TBCD: variants seen among roughly 807,000 people sequenced by gnomAD.
The protein encoded by TBCD is tubulin folding cofactor D, also known as tubulin-specific chaperone D.
Under a neutral mutation model 169.3 loss-of-function variants are expected in TBCD, and 105 were observed. The ratio of observed to expected loss-of-function variants is 0.62; its 90% CI spans 0.53 to 0.73. The LOEUF (loss-of-function observed/expected upper bound fraction) is 0.73, where lower values mean the gene tolerates loss of function less well. TBCD is among the 30% of genes least tolerant of loss of function. TBCD has a pLI of 0.00. For synonymous variants in TBCD, 700 were observed against 643.9 expected (o/e 1.09, Z -1.32); for missense variants, 1,444 against 1,600.1 (o/e 0.90, Z 1.66).
At chr17:82,828,987 C>T (rs970937712) in intron 13 of TBCD, among the ~76,000 whole-genome samples, 7 of 122,610 alleles carry the variant, frequency 5.7e-5, no homozygotes, top group Non-Finnish European at 1.0e-4. Context: ...TCCCATATAC[C>T]CACCCCCACA....
chr17:82,940,977 A>G (rs1161387732), intron 37 of TBCD, among the ~76,000 whole-genome samples: 2 of 152,036 alleles, frequency 1.3e-5, no homozygotes, highest in African/African-American at 4.8e-5. Flanking sequence ...AAATCCTTAG[A>G]ATTTAAAGAG....
In TBCD at chr17:82,847,319, T is replaced by C. The variant is rs12948386; in HGVS notation, c.1319-22905T>C. Among the ~76,000 whole-genome samples, 145 of 143,140 alleles carry C rather than the reference T, an allele frequency of 1.0e-3. 1 individual carries two copies. The highest frequency in any genetic ancestry group is 3.5e-3 in the African/African-American group (134 of 38,018). 93.9% of individuals were successfully genotyped at this position (143,140 alleles called of 152,430 possible). A position where few individuals can be genotyped will look rare whatever the true frequency, so the allele number is the denominator to read the frequency against. The stretch of plus-strand genomic sequence containing the variant: ...AGTGAGCCGAGATCATGCCACTGTA[T>C]TCCAGCCTGGGCAACAGAGCGAGAC... On this transcript the variant is annotated intron_variant, in intron 13 of 38. Coordinates refer to ENST00000355528, the MANE Select transcript of TBCD (RefSeq NM_005993.5).
chr17:82,829,180 C>A (rs1174923840), intron 13 of TBCD, among the ~76,000 whole-genome samples: 1 of 151,742 alleles, frequency 6.6e-6, no homozygotes, highest in African/African-American at 2.4e-5. Flanking sequence ...CAAGCGCATA[C>A]CCACACCCGC....
At position 82,910,375 on chromosome 17, in the gene TBCD, A is replaced by G. The variant is rs112061856; in HGVS notation, c.2006+1068A>G. 6.6e-4 allele frequency among the ~76,000 whole-genome samples: 100 copies of G among 152,308 alleles called. 1 individual carries two copies. In the Middle Eastern group the frequency reaches 0.01, roughly 16 times the overall value. On this transcript the variant is annotated intron_variant, in intron 22 of 38. Coordinates refer to ENST00000355528, the MANE Select transcript of TBCD (RefSeq NM_005993.5). ...GTGCTGAGCCTCTTTCCCTGTGCTG[A>G]CGAAGCATTCCTGGGTCTTTCGTGA...
intron 6 of TBCD, among the ~76,000 whole-genome samples, chr17:82,776,435 T>A (rs562944365): frequency 6.6e-6 from 1 of 152,144 alleles, no homozygotes. Context: ...TCTTGAAACA[T>A]AGAAGTTGGA....
intron 14 of TBCD, among the ~76,000 whole-genome samples, chr17:82,877,855 G>A (rs1369790719): frequency 1.3e-5 from 2 of 152,114 alleles, no homozygotes; most frequent in Non-Finnish European, 2.9e-5. Context: ...AGTATAGAGA[G>A]GAAAATGGAG....
At chr17:82,917,019 C>CTTTTTTTTTTTTTTTTTTTTTTTTTTTT (rs59331670) in intron 23 of TBCD, among the ~76,000 whole-genome samples, 1 of 108,518 alleles carries the variant, frequency 9.2e-6, no homozygotes, top group Non-Finnish European at 1.8e-5. Context: ...TTTTTCTTTT[C>CTTTTTTTTTTTTTTTTTTTTTTTTTTTT]TTTTCTTTTT....
At chr17:82,899,260 C>T (rs900304552) in intron 17 of TBCD, among the ~76,000 whole-genome samples, 5 of 145,776 alleles carry the variant, frequency 3.4e-5, no homozygotes, top group South Asian at 4.3e-4. Context: ...GTGTCCTCAG[C>T]GTGCGTGTCC....
Position 82,925,017 on chromosome 17 carries a change from G to A in TBCD, c.2339G>A (p.Gly780Asp). The A allele has an allele frequency of 6.4e-7, 1 of 1,570,060 alleles. No homozygotes were observed. Among genetic ancestry groups the A allele is most frequent in the Non-Finnish European group, 8.6e-7 (1 of 1,156,588 alleles). The change falls in exon 27 of 39, where the codon GGC becomes GAC. Residue 780 changes from glycine (G) to aspartate (D), a missense_variant. By Grantham distance (94) the Gly-to-Asp change is moderately conservative (BLOSUM62 -1). Coordinates refer to ENST00000355528, the MANE Select transcript of TBCD (RefSeq NM_005993.5). ...CGCTGTGGCTTCTCGTTGGCCTTGG[G>A]CGCCCTTCCAGGCTTCCTTCTGAAA... ...MTRCGFSLAL[G>D]ALPGFLLKGR...
intron 6 of TBCD, among the ~76,000 whole-genome samples, chr17:82,774,307 C>T (rs948146318): frequency 6.6e-6 from 1 of 152,142 alleles, no homozygotes; most frequent in Admixed American, 6.5e-5. Context: ...CTTGCACCGC[C>T]CTTAATCCAT....
At chr17:82,818,403 G>A (rs1336046031) in intron 13 of TBCD, among the ~76,000 whole-genome samples, 1 of 152,186 alleles carries the variant, frequency 6.6e-6, no homozygotes, top group Non-Finnish European at 1.5e-5. Flanking sequence ...ATGAGCATTT[G>A]CAGCATGCTT....
At chr17:82,872,831 C>G (rs1197678910) in intron 14 of TBCD, among the ~76,000 whole-genome samples, 2 of 152,180 alleles carry the variant, frequency 1.3e-5, no homozygotes, top group African/African-American at 2.4e-5. Flanking sequence ...GACGGCTTCC[C>G]AGCCAGGCCC....
At chr17:82,941,604 A>C in intron 38 of TBCD, 121 bp downstream of exon 38, 1 of 845,868 alleles carries the variant, frequency 1.2e-6, no homozygotes, top group Non-Finnish European at 1.8e-6. Context: ...CCCTCGTCTC[A>C]TGTCAGGACC....
rs369652299 is a variant in TBCD at position 82,938,032 on chromosome 17, T to C, written c.3282-17T>C. The C allele has an allele frequency of 2.3e-4, 374 of 1,612,562 alleles. No homozygotes were observed. Among genetic ancestry groups the C allele is most frequent in the Non-Finnish European group, 3.1e-4 (362 of 1,179,618 alleles). On this transcript the variant is annotated splice_polypyrimidine_tract_variant and intron_variant, in intron 35 of 38. Coordinates refer to ENST00000355528, the MANE Select transcript of TBCD (RefSeq NM_005993.5). The stretch of plus-strand genomic sequence containing the variant: ...GCGGGGTGGGGCTCACCTGGAGCCA[T>C]GTGCTGCTCCCGGCAGGTTCTGCGA...
Position 82,763,967 on chromosome 17 carries a change from T to C in TBCD, c.238T>C (p.Trp80Arg). 6.2e-7 allele frequency: 1 copy of C among 1,613,420 alleles called. No individual in the cohort carries two copies. Among genetic ancestry groups the C allele is most frequent in the Non-Finnish European group, 8.5e-7 (1 of 1,179,440 alleles). The change falls in exon 3 of 39, where the codon TGG (tryptophan) becomes CGG (arginine). Residue 80 changes from tryptophan to arginine, a missense_variant and splice_region_variant. By Grantham distance (101) the Trp-to-Arg change is moderately radical. Coordinates refer to ENST00000355528, the MANE Select transcript of TBCD (RefSeq NM_005993.5). The part of the protein sequence containing the change: ...QPHLLDPHLE[W>R]MMNLLLDIVQ... ...ATGTTTCCTATGTTTTTCCCTAGAATGGATGATGAACTTGTTGTTGGACAT... is the reference window on the plus strand; with the variant it reads ...ATGTTTCCTATGTTTTTCCCTAGAACGGATGATGAACTTGTTGTTGGACAT...
At chr17:82,836,677 T>TA (rs1416222597) in intron 13 of TBCD, among the ~76,000 whole-genome samples, 1 of 149,398 alleles carries the variant, frequency 6.7e-6, no homozygotes, top group Non-Finnish European at 1.5e-5. Flanking sequence ...ACATTGCTGA[T>TA]ACTTTTAGGC....
chr17:82,867,333 A>G (rs897416253), intron 13 of TBCD, among the ~76,000 whole-genome samples: 1 of 152,180 alleles, frequency 6.6e-6, no homozygotes, highest in African/African-American at 2.4e-5. Context: ...TGTCCAGTGG[A>G]TGAATAAATT....
At chr17:82,813,983 T>C (rs1027957782) in intron 12 of TBCD, among the ~76,000 whole-genome samples, 2 of 152,214 alleles carry the variant, frequency 1.3e-5, no homozygotes, top group Non-Finnish European at 2.9e-5. Context: ...TCATACAATT[T>C]AGTGGGTTTT....
intron 6 of TBCD, among the ~76,000 whole-genome samples, chr17:82,775,968 G>T (rs1402180152): frequency 6.6e-6 from 1 of 152,146 alleles, no homozygotes; most frequent in African/African-American, 2.4e-5. Flanking sequence ...TGTAATCCCA[G>T]CACTTTGGGA....
Sources: allele counts gnomAD v4.1 joint callset (sites outside exome capture counted in the v4.1 genomes callset), GRCh38; gene constraint gnomAD v4.1.1; transcripts MANE v1.5; gene names NCBI Gene and HGNC (gene_info 2026-07-23, HGNC 2026-07-21).